CDKL1: variants seen among roughly 807,000 people sequenced by gnomAD.
The protein encoded by CDKL1 is cyclin dependent kinase like 1.
Under a neutral mutation model 42.0 loss-of-function variants are expected in CDKL1, and 41 were observed. The ratio of observed to expected loss-of-function variants is 0.98; its 90% CI spans 0.76 to 1.27. The LOEUF (loss-of-function observed/expected upper bound fraction) is 1.27. Among genes scored for constraint, CDKL1 ranks in the 50% most tolerant of loss-of-function variants. CDKL1 has a pLI of 0.00. For missense variants in CDKL1, 394 were observed against 428.4 expected (o/e 0.92, Z 0.71); for synonymous variants, 153 against 158.6 (o/e 0.96, Z 0.26).
chr14:50,332,605 C>T, intron 8 of CDKL1, 173 bp from the exon 9 acceptor site: 5 of 1,490,494 alleles, frequency 3.4e-6, no homozygotes, highest in Non-Finnish European at 2.7e-6. Context: ...AAATGGCACT[C>T]ACATATTAAA....
Position 50,396,267 on chromosome 14 carries a change from T to C in CDKL1, c.-399A>G. ...TCACATAGTTTGAAAACGTCGCTTA[T>C]AAAATATTGGCACCAACGGACTGCA... On this transcript the variant is annotated 5_prime_UTR_variant, in exon 2 of 10. Coordinates refer to ENST00000395834, the MANE Select transcript of CDKL1 (RefSeq NM_004196.7). 2.0e-6 allele frequency: 2 copies of C among 1,023,450 alleles called. No individual in the cohort carries two copies. Among genetic ancestry groups the C allele is most frequent in the Non-Finnish European group, 2.3e-6 (2 of 855,882 alleles). The allele number at this position is 1,023,450 out of a possible 1,614,324, so 63.4% of individuals were successfully genotyped here.
Position 50,330,178 on chromosome 14 carries a change from G to A in CDKL1, c.970C>T (p.Gln324Ter), listed in dbSNP as rs1359716784. 4.4e-6 allele frequency: 7 copies of A among 1,602,624 alleles called. No homozygotes were observed. The highest frequency in any genetic ancestry group is 5.9e-6 in the Non-Finnish European group (7 of 1,177,704). ...HHCFTETSKLQYLPQLTGSSI... is the reference protein window; with the variant it reads ...HHCFTETSKL ...CTGCCAGTTAGCTGGGGTAGGTACT[G>A]CAACTAAAAATGCAAAACACAGAAT... Residue 324 changes from glutamine to a stop codon, truncating the protein, a stop_gained, in exon 10 of 10, where the codon CAG becomes TAG. Coordinates refer to ENST00000395834, the MANE Select transcript of CDKL1 (RefSeq NM_004196.7). LOFTEE classifies it high-confidence loss of function.
intron 2 of CDKL1, among the ~76,000 whole-genome samples, chr14:50,368,866 CTTT>C (rs546628912): frequency 7.6e-6 from 1 of 130,988 alleles, no homozygotes; most frequent in Non-Finnish European, 1.6e-5. Flanking sequence ...AGTTGCCAAC[CTTT>C]TTTTTTTTTT....
chr14:50,357,434 G>A (rs1417619016), intron 3 of CDKL1, among the ~76,000 whole-genome samples: 2 of 152,112 alleles, frequency 1.3e-5, no homozygotes, highest in East Asian at 3.9e-4. Context: ...CACAGTCCAT[G>A]GGATGGGACA....
chr14:50,360,786 T>TTGTGTG (rs58307197), intron 2 of CDKL1, among the ~76,000 whole-genome samples: 5,738 of 144,616 alleles, frequency 0.04, 189 homozygotes, highest in African/African-American at 0.092. Context: ...GTGTGTGTGT[T>TTGTGTG]TGTGTGTGTG....
chr14:50,390,264 G>A (rs535431727), intron 2 of CDKL1: 47 of 1,365,994 alleles, frequency 3.4e-5, no homozygotes, highest in African/African-American at 7.4e-5. Context: ...ATATTTTAAC[G>A]CCCCCATACC....
intron 2 of CDKL1, among the ~76,000 whole-genome samples, chr14:50,385,913 T>C (rs2035069530): frequency 6.6e-6 from 1 of 151,872 alleles, no homozygotes; most frequent in Admixed American, 6.6e-5. Context: ...ATATATATAG[T>C]TCTATAACCA....
At position 50,382,560 on chromosome 14, in the gene CDKL1, C is replaced by G. The variant is rs116874332; in HGVS notation, c.168+13141G>C. ...AAAATTACTCCTTCCTTCCTTCCTT[C>G]CCTCCCTCCCTCCCTTCCTCCCTCT... is the stretch of plus-strand genomic sequence containing the variant. On this transcript the variant is annotated intron_variant, in intron 2 of 9. Coordinates refer to ENST00000395834, the MANE Select transcript of CDKL1 (RefSeq NM_004196.7). 4.9e-3 allele frequency among the ~76,000 whole-genome samples: 710 copies of G among 144,606 alleles called. 2 individuals carry two copies. Among genetic ancestry groups the G allele is most frequent in the Non-Finnish European group, 8.1e-3 (533 of 65,474 alleles). 94.9% of individuals were successfully genotyped at this position (144,606 alleles called of 152,430 possible). A position where few individuals can be genotyped will look rare whatever the true frequency, so the allele number is the denominator to read the frequency against.
intron 7 of CDKL1, 23 bp downstream of exon 7, chr14:50,338,924 T>C (rs761072122): frequency 6.7e-7 from 1 of 1,482,252 alleles, no homozygotes; most frequent in South Asian, 1.1e-5. Flanking sequence ...CCTACAGAGC[T>C]CTCTCCAAAA....
At position 50,341,146 on chromosome 14, in the gene CDKL1, G is replaced by A. The variant is rs773839160; in HGVS notation, c.541C>T (p.Pro181Ser). ...ELLVGDTQYGPPVDVWAIGCV... is the reference protein window; with the variant it reads ...ELLVGDTQYGSPVDVWAIGCV... ...CCAATTGCCCAAACATCCACCGGGG[G>A]GCCGTACTGCGTGTCCCCCACCAGC... is the stretch of plus-strand genomic sequence containing the variant. Residue 181 changes from proline to serine, a missense_variant, in exon 6 of 10, where the codon CCC becomes TCC. By Grantham distance (74) the Pro-to-Ser change is moderately conservative. Coordinates refer to ENST00000395834, the MANE Select transcript of CDKL1 (RefSeq NM_004196.7). 1.3e-5 allele frequency: 21 copies of A among 1,614,046 alleles called. No individual in the cohort carries two copies. The highest frequency in any genetic ancestry group is 1.7e-5 in the Non-Finnish European group (20 of 1,180,048).
intron 2 of CDKL1, among the ~76,000 whole-genome samples, chr14:50,364,667 G>C (rs563303250): frequency 1.3e-5 from 2 of 152,258 alleles, no homozygotes; most frequent in East Asian, 3.9e-4. Context: ...TTTTCCATCT[G>C]TAAGAGTAAG....
chr14:50,355,828 T>G (rs958218930), intron 3 of CDKL1, among the ~76,000 whole-genome samples: 9 of 152,214 alleles, frequency 5.9e-5, no homozygotes, highest in Non-Finnish European at 1.0e-4. Context: ...AACCCACGTT[T>G]GCTGAGCAAA....
intron 2 of CDKL1, among the ~76,000 whole-genome samples, chr14:50,382,449 TC>T (rs2034940572): frequency 6.6e-6 from 1 of 151,650 alleles, no homozygotes; most frequent in South Asian, 2.1e-4. Context: ...AGACTCCATC[TC>T]AAAAAAAAAT....
chr14:50,335,591 C>T (rs2033225469), intron 7 of CDKL1: 1 of 1,534,754 alleles, frequency 6.5e-7, no homozygotes, highest in Non-Finnish European at 8.7e-7. Flanking sequence ...GAATGTCAGG[C>T]AGACAAACAG....
chr14:50,378,440 A>G, intron 2 of CDKL1: 2 of 1,365,714 alleles, frequency 1.5e-6, no homozygotes, highest in African/African-American at 1.5e-5. Context: ...AGGCTGGAAA[A>G]GGGGAAATTC....
At chr14:50,396,756 C>T (rs992374008) in intron 1 of CDKL1, 68 bp downstream of exon 1, 1 of 155,444 alleles carries the variant, frequency 6.4e-6, no homozygotes, top group African/African-American at 2.4e-5. Context: ...AGCCGCGCCG[C>T]GCAGCATGGA....
At chr14:50,340,926 C>CTAA in intron 6 of CDKL1, 106 bp downstream of exon 6, 2 of 1,190,254 alleles carry the variant, frequency 1.7e-6, no homozygotes, top group Non-Finnish European at 2.3e-6. Context: ...TCTTTCCTAA[C>CTAA]TAATGCCTTA....
intron 2 of CDKL1, among the ~76,000 whole-genome samples, chr14:50,386,603 C>T (rs1260436121): frequency 6.6e-6 from 1 of 152,184 alleles, no homozygotes; most frequent in African/African-American, 2.4e-5. Flanking sequence ...GGACACTTTA[C>T]ATAAAATTCT....
At chr14:50,342,919 T>C (rs544343794) in intron 4 of CDKL1, 2 of 1,338,844 alleles carry the variant, frequency 1.5e-6, no homozygotes, top group Non-Finnish European at 2.0e-6. Flanking sequence ...CTGGGGAGAG[T>C]CGCTAGATGT....
Sources: allele counts gnomAD v4.1 joint callset (sites outside exome capture counted in the v4.1 genomes callset), GRCh38; gene constraint gnomAD v4.1.1; transcripts MANE v1.5; gene names NCBI Gene and HGNC (gene_info 2026-07-23, HGNC 2026-07-21).